Variants in RFTN1 observed in about 807,000 individuals in gnomAD.
The protein encoded by RFTN1 is raftlin.
Under a neutral mutation model 46.5 loss-of-function variants are expected in RFTN1, and 26 were observed. The ratio of observed to expected loss-of-function variants is 0.56; its 90% CI spans 0.41 to 0.78. The LOEUF (loss-of-function observed/expected upper bound fraction) is 0.78, where lower values mean the gene tolerates loss of function less well. Among genes scored for constraint, RFTN1 ranks in the 30% least tolerant of loss-of-function variants. The pLI, the probability that RFTN1 is intolerant of heterozygous loss-of-function variation, is 0.00. For synonymous variants in RFTN1, 261 were observed against 284.2 expected (o/e 0.92, Z 0.82); for missense variants, 693 against 718.7 (o/e 0.96, Z 0.41).
At chr3:16,416,100 C>T (rs756737459) in intron 3 of RFTN1, 16 of 358,830 alleles carry the variant, frequency 4.5e-5, no homozygotes, top group East Asian at 9.5e-5. Context: ...CATCTTGGGA[C>T]CCCCCACTTA....
rs1012496651 is a variant in RFTN1, at chr3:16,417,715, G to C, written c.333-8232C>G. Among the ~76,000 whole-genome samples, 9 of 152,264 alleles carry C rather than the reference G, an allele frequency of 5.9e-5. No homozygotes were observed. In the South Asian group the frequency reaches 1.9e-3, roughly 32 times the overall value. ...AGCGCTGTAAACTCAAACGCCCATG[G>C]GCAACGAGTGAAAGATTCTTTCTGA... On this transcript the variant is annotated intron_variant, in intron 3 of 9. Coordinates refer to ENST00000334133, the MANE Select transcript of RFTN1 (RefSeq NM_015150.2).
chr3:16,323,602 C>G (rs927303554), intron 8 of RFTN1, 145 bp from the exon 9 acceptor site: 1 of 573,260 alleles, frequency 1.7e-6, no homozygotes, highest in South Asian at 2.4e-5. Context: ...TCTACTCTTC[C>G]GCTCCCAGGC....
rs80091108 is a variant in RFTN1 at position 16,357,894 on chromosome 3, C to T, written c.1146+38G>A. ...AGCAGGCGGATAAAACAAGTGCTGTCTAAACAAAAGAAGCGGGGCTGCCAA... is the reference window on the plus strand; with the variant it reads ...AGCAGGCGGATAAAACAAGTGCTGTTTAAACAAAAGAAGCGGGGCTGCCAA... On this transcript the variant is annotated intron_variant, in intron 7 of 9. Transcript: ENST00000334133. The T allele has an allele frequency of 1.0e-3, 1,354 of 1,305,136 alleles. 5 individuals are homozygous for T. In the African/African-American group the frequency reaches 0.018, roughly 17 times the overall value. The allele number at this position is 1,305,136 out of a possible 1,614,324, so 80.8% of individuals were successfully genotyped here.
At position 16,475,020 on chromosome 3, in the gene RFTN1, C is replaced by A. The variant is rs1017988633; in HGVS notation, c.145+18705G>T. Reference sequence around the variant, plus strand: ...GGTGTTTGGGTCATAGGGGCGGATCCCTCACGAAAGGCTTGCTGTCCTCCT... The same window carrying A: ...GGTGTTTGGGTCATAGGGGCGGATCACTCACGAAAGGCTTGCTGTCCTCCT... On this transcript the variant is annotated intron_variant, in intron 2 of 9. Coordinates refer to ENST00000334133, the MANE Select transcript of RFTN1 (RefSeq NM_015150.2). The surrounding 1 kb of genome is among the most constrained non-coding windows in gnomAD (Gnocchi z 4.2). Among the ~76,000 whole-genome samples the A allele has an allele frequency of 6.6e-6, 1 of 152,148 alleles. No homozygotes were observed. The highest frequency in any genetic ancestry group is 1.5e-5 in the Non-Finnish European group (1 of 68,024).
rs1559384609 is a variant in RFTN1, at chr3:16,512,427, A to ATTTTT, written c.-9+1014_-9+1015insAAAAA. Among the ~76,000 whole-genome samples the ATTTTT allele has an allele frequency of 3.1e-5, 1 of 32,678 alleles. No homozygotes were observed. The highest frequency in any genetic ancestry group is 3.6e-4 in the African/African-American group (1 of 2,740). The allele number at this position is 32,678 out of a possible 152,430, so 21.4% of individuals were successfully genotyped here. A position where few individuals can be genotyped will look rare whatever the true frequency, so the allele number is the denominator to read the frequency against. On this transcript the variant is annotated intron_variant, in intron 1 of 9. Transcript: ENST00000334133. This position sits in a 1 kb window ranked among gnomAD's most constrained non-coding sequence, Gnocchi z 4.3. ...GAGATTGAGCCAGACTTTTTTTTTAAAAAAGTACTTCTTGTTTGTTTGTTT... is the reference window on the plus strand; with the variant it reads ...GAGATTGAGCCAGACTTTTTTTTTAATTTTTAAAAGTACTTCTTGTTTGTTTGTTT...
rs1218606600 is a variant in RFTN1 at position 16,473,953 on chromosome 3, G to A, written c.145+19772C>T. Among the ~76,000 whole-genome samples, 3 of 151,996 alleles carry A rather than the reference G, an allele frequency of 2.0e-5. No homozygotes were observed. The highest frequency in any genetic ancestry group is 4.8e-5 in the African/African-American group (2 of 41,358). Reference sequence around the variant, plus strand: ...GTGCCACATTCCACACTGTTCTATCGTGCAGTTGCCCACCCAATATGGTGA... The same window carrying A: ...GTGCCACATTCCACACTGTTCTATCATGCAGTTGCCCACCCAATATGGTGA... On this transcript the variant is annotated intron_variant, in intron 2 of 9. Coordinates refer to ENST00000334133, the MANE Select transcript of RFTN1 (RefSeq NM_015150.2). The surrounding 1 kb of genome is among the most constrained non-coding windows in gnomAD (Gnocchi z 5.3).
At chr3:16,492,840 T>C (rs942743327) in intron 2 of RFTN1, among the ~76,000 whole-genome samples, 8 of 152,220 alleles carry the variant, frequency 5.3e-5, no homozygotes, top group African/African-American at 1.4e-4. Flanking sequence ...GGCTCACGAC[T>C]TCCCCCCCAA....
In RFTN1 at chr3:16,334,570, A is replaced by G. The variant is rs1436450698; in HGVS notation, c.1147-7694T>C. On this transcript the variant is annotated intron_variant, in intron 7 of 9. Transcript: ENST00000334133. This position sits in a 1 kb window ranked among gnomAD's most constrained non-coding sequence, Gnocchi z 4.3. ...AGACAACAGCTCAGAGAACTGGGCA[A>G]TGGCTGCTCATGTGTTGAGCCGGGG... is the stretch of plus-strand genomic sequence containing the variant. 1.3e-5 allele frequency among the ~76,000 whole-genome samples: 2 copies of G among 152,188 alleles called. No homozygotes were observed. Among genetic ancestry groups the G allele is most frequent in the African/African-American group, 4.8e-5 (2 of 41,448 alleles).
At chr3:16,487,969 C>G (rs1287620385) in intron 2 of RFTN1, among the ~76,000 whole-genome samples, 1 of 152,214 alleles carries the variant, frequency 6.6e-6, no homozygotes, top group Non-Finnish European at 1.5e-5. Context: ...AGCTTATGTG[C>G]TTCACTGTAA....
intron 1 of RFTN1, among the ~76,000 whole-genome samples, chr3:16,502,020 T>G (rs1335992254): frequency 6.6e-6 from 1 of 152,206 alleles, no homozygotes; most frequent in Non-Finnish European, 1.5e-5. Flanking sequence ...ATAAACCACC[T>G]GTTAGCAGAA....
In RFTN1 at chr3:16,336,801, T is replaced by C. The variant is rs530853098; in HGVS notation, c.1147-9925A>G. Among the ~76,000 whole-genome samples, 50 of 152,314 alleles carry C rather than the reference T, an allele frequency of 3.3e-4. No homozygotes were observed. The highest frequency in any genetic ancestry group is 1.2e-3 in the African/African-American group (50 of 41,572). ...GAATTCACATCTTTGTCTCATTTTC[T>C]CTACCAGGTAAGAAAGGCAGCAAAC... On this transcript the variant is annotated intron_variant, in intron 7 of 9. Transcript: ENST00000334133. This position sits in a 1 kb window ranked among gnomAD's most constrained non-coding sequence, Gnocchi z 6.0.
chr3:16,383,410 A>G lies in RFTN1; in HGVS notation c.442-5308T>C, dbSNP rs532607822. ...CACAACTTCACTCAGTTGCTCTATA[A>G]TAAGTAAGGACATGCTCCACTGTAA... On this transcript the variant is annotated intron_variant, in intron 4 of 9. Coordinates refer to ENST00000334133, the MANE Select transcript of RFTN1 (RefSeq NM_015150.2). The surrounding 1 kb of genome is among the most constrained non-coding windows in gnomAD (Gnocchi z 4.0). Among the ~76,000 whole-genome samples the G allele has an allele frequency of 4.6e-5, 7 of 152,354 alleles. 1 individual carries two copies. In the East Asian group the frequency reaches 9.6e-4, roughly 21 times the overall value.
intron 4 of RFTN1, 51 bp from the exon 5 acceptor site, chr3:16,378,153 A>G (rs756322846): frequency 2.0e-6 from 3 of 1,514,162 alleles, no homozygotes; most frequent in Admixed American, 1.7e-5. Flanking sequence ...TGGTCTATCA[A>G]AGGGACACGT....
chr3:16,494,068 CCTT>C (rs933577227), intron 1 of RFTN1, among the ~76,000 whole-genome samples, 191 bp from the exon 2 acceptor site: 4 of 152,106 alleles, frequency 2.6e-5, no homozygotes, highest in African/African-American at 9.7e-5. Context: ...GCTGGCTTCT[CCTT>C]CTGCTAAGAT....
rs1213038974 is a variant in RFTN1, at chr3:16,452,511, G to C, written c.146-18474C>G. Among the ~76,000 whole-genome samples, 1 of 152,212 alleles carries C rather than the reference G, an allele frequency of 6.6e-6. No individual in the cohort carries two copies. The highest frequency in any genetic ancestry group is 1.5e-5 in the Non-Finnish European group (1 of 68,040). ...CAAAGACCACAGCTCTGCACCTAAT[G>C]ATGGGCAGATGAACGTTTGTTTTCA... On this transcript the variant is annotated intron_variant, in intron 2 of 9. Transcript: ENST00000334133. This position sits in a 1 kb window ranked among gnomAD's most constrained non-coding sequence, Gnocchi z 6.3.
At position 16,345,833 on chromosome 3, in the gene RFTN1, C is replaced by T. The variant is rs1415416049; in HGVS notation, c.1146+12099G>A. ...GTGTGTGTGTGCGCGCGCGCGTGCG[C>T]GCACGCGCACATGTGCATGTGTATG... is the stretch of plus-strand genomic sequence containing the variant. On this transcript the variant is annotated intron_variant, in intron 7 of 9. Transcript: ENST00000334133. This position sits in a 1 kb window ranked among gnomAD's most constrained non-coding sequence, Gnocchi z 5.2. Among the ~76,000 whole-genome samples, 3,306 of 58,548 alleles carry T rather than the reference C, an allele frequency of 0.056. 81 individuals are homozygous for T. The highest frequency in any genetic ancestry group is 0.1 in the Middle Eastern group (10 of 100). 38.4% of individuals were successfully genotyped at this position (58,548 alleles called of 152,430 possible). A position where few individuals can be genotyped will look rare whatever the true frequency, so the allele number is the denominator to read the frequency against.
chr3:16,477,268 C>G lies in RFTN1; in HGVS notation c.145+16457G>C, dbSNP rs1035425719. Among the ~76,000 whole-genome samples the G allele has an allele frequency of 2.0e-5, 3 of 152,186 alleles. No homozygotes were observed. The East Asian group carries it at 5.8e-4, about 29-fold the overall frequency. ...GGTTGCTGGGGATTTTCCACAGTTT[C>G]ATCACAACTGAGAACACACAGATAG... On this transcript the variant is annotated intron_variant, in intron 2 of 9. Transcript: ENST00000334133.
chr3:16,441,892 T>C (rs2075632292), intron 2 of RFTN1, among the ~76,000 whole-genome samples: 1 of 152,336 alleles, frequency 6.6e-6, no homozygotes, highest in African/African-American at 2.4e-5. Context: ...GGCTTTGCAG[T>C]AGATCCAATT....
In RFTN1 at chr3:16,422,189, T is replaced by C. The variant is rs551664635; in HGVS notation, c.332+11662A>G. Among the ~76,000 whole-genome samples, 9 of 152,366 alleles carry C rather than the reference T, an allele frequency of 5.9e-5. No individual in the cohort carries two copies. The South Asian group carries it at 1.9e-3, about 32-fold the overall frequency. The stretch of plus-strand genomic sequence containing the variant: ...CCTCCAATAATAATATTGAACATTA[T>C]GTTCTTGAAAACACAAGGTGGAAAT... On this transcript the variant is annotated intron_variant, in intron 3 of 9. Coordinates refer to ENST00000334133, the MANE Select transcript of RFTN1 (RefSeq NM_015150.2). This position sits in a 1 kb window ranked among gnomAD's most constrained non-coding sequence, Gnocchi z 4.6.
Sources: allele counts gnomAD v4.1 joint callset (sites outside exome capture counted in the v4.1 genomes callset), GRCh38; gene constraint gnomAD v4.1.1; non-coding constraint Gnocchi (gnomAD v3.1); transcripts MANE v1.5; gene names NCBI Gene and HGNC (gene_info 2026-07-23, HGNC 2026-07-21).